Variants in PTPRN2 observed in about 807,000 individuals in gnomAD.
PTPRN2 encodes the protein protein tyrosine phosphatase receptor type N2.
In PTPRN2, 74 loss-of-function variants were observed where a neutral mutation model predicts 118.8. The ratio of observed to expected loss-of-function variants is 0.62; its 90% CI spans 0.52 to 0.76. The LOEUF is 0.76. Ranked by LOEUF, PTPRN2 falls within the 30% of genes least tolerant of loss-of-function variation. PTPRN2 has a pLI of 0.00. For synonymous variants in PTPRN2, 641 were observed against 608.0 expected, an observed-to-expected ratio of 1.05 and a Z score of -0.80; for missense variants, 1,481 against 1,394.4, an observed-to-expected ratio of 1.06 and a Z score of -0.99.
chr7:158,487,147 T>C lies in PTPRN2; in HGVS notation c.163+2588A>G, dbSNP rs530663473. Among the ~76,000 whole-genome samples, 3 of 152,370 alleles carry C rather than the reference T, an allele frequency of 2.0e-5. No homozygotes were observed. In the South Asian group the frequency reaches 6.2e-4, roughly 32 times the overall value. Reference sequence around the variant, plus strand: ...GCTGCGTACTATTCCATCATGTGGATGGACCACGTTTCACTTGTCCATTCG... The same window carrying C: ...GCTGCGTACTATTCCATCATGTGGACGGACCACGTTTCACTTGTCCATTCG... On this transcript the variant is annotated intron_variant, in intron 2 of 22. Coordinates refer to ENST00000389418, the MANE Select transcript of PTPRN2 (RefSeq NM_002847.5).
At chr7:157,568,829 C>T (rs868715729) in intron 21 of PTPRN2, 73 bp downstream of exon 21, 3 of 1,455,704 alleles carry the variant, frequency 2.1e-6, no homozygotes, top group South Asian at 1.1e-5. Flanking sequence ...CCCGTGAACA[C>T]GGCACCCTAC....
At chr7:158,083,758 C>T (rs763596173) in intron 10 of PTPRN2, among the ~76,000 whole-genome samples, 2 of 152,204 alleles carry the variant, frequency 1.3e-5, no homozygotes, top group African/African-American at 2.4e-5. Flanking sequence ...CAGTGACCAT[C>T]GCCGTCAGGC....
chr7:157,996,416 T>G (rs949008939), intron 11 of PTPRN2, among the ~76,000 whole-genome samples: 6 of 152,208 alleles, frequency 3.9e-5, no homozygotes, highest in Non-Finnish European at 8.8e-5. Flanking sequence ...ACCCCAAACA[T>G]TCATACAGTA....
chr7:158,579,626 G>T lies in PTPRN2; in HGVS notation c.112+7932C>A, dbSNP rs563363366. Among the ~76,000 whole-genome samples, 16 of 152,336 alleles carry T rather than the reference G, an allele frequency of 1.1e-4. No homozygotes were observed. The South Asian group carries it at 3.3e-3, about 32-fold the overall frequency. On this transcript the variant is annotated intron_variant, in intron 1 of 22. Coordinates refer to ENST00000389418, the MANE Select transcript of PTPRN2 (RefSeq NM_002847.5). ...TGACCTCTCAATCTGTCAACACGCT[G>T]CATGGAAGCAGTACTGTCATTTAAT... is the stretch of plus-strand genomic sequence containing the variant.
At chr7:158,089,801 T>C (rs1260919750) in intron 10 of PTPRN2, among the ~76,000 whole-genome samples, 1 of 126,630 alleles carries the variant, frequency 7.9e-6, no homozygotes, top group Non-Finnish European at 1.7e-5. Context: ...CTTCTTCCCC[T>C]GACGAAAGAG....
chr7:158,400,000 G>T (rs1011620302), intron 2 of PTPRN2, among the ~76,000 whole-genome samples: 1 of 152,194 alleles, frequency 6.6e-6, no homozygotes, highest in Non-Finnish European at 1.5e-5. Context: ...CAAACTCCCT[G>T]CATGCAAGAG....
At chr7:158,071,560 AGGTGCTCCTGGTGGAGGTGCTCCTGG>A (rs1811689618) in intron 11 of PTPRN2, among the ~76,000 whole-genome samples, 5 of 12,824 alleles carry the variant, frequency 3.9e-4, no homozygotes, top group Admixed American at 2.3e-3. Flanking sequence ...CTGGTGGTGG[AGGTGCTCCTGGTGGAGGTGCTCCTGG>A]TGGAGGTGCT....
intron 7 of PTPRN2, 116 bp downstream of exon 7, chr7:158,138,178 A>G (rs1177208681): frequency 2.3e-6 from 2 of 878,850 alleles, no homozygotes; most frequent in Non-Finnish European, 3.4e-6. Flanking sequence ...ACAGATCCCC[A>G]TCTCCCCAGC....
intron 5 of PTPRN2, among the ~76,000 whole-genome samples, chr7:158,169,681 CATT>C (rs1823363571): frequency 6.6e-6 from 1 of 151,780 alleles, no homozygotes; most frequent in South Asian, 2.1e-4. Context: ...GGAAATCGGA[CATT>C]ATCTCTAAGA....
intron 14 of PTPRN2, among the ~76,000 whole-genome samples, chr7:157,648,971 G>C (rs1339409048): frequency 6.8e-6 from 1 of 146,230 alleles, no homozygotes; most frequent in Non-Finnish European, 1.5e-5. Flanking sequence ...AACTCGGTGG[G>C]TCGGACCCAT....
intron 3 of PTPRN2, among the ~76,000 whole-genome samples, chr7:158,312,615 G>A (rs1801927411): frequency 6.6e-6 from 1 of 150,712 alleles, no homozygotes; most frequent in Non-Finnish European, 1.5e-5. Context: ...ACAAAACTCA[G>A]GAAGACACCA....
rs904134365 is a variant in PTPRN2, at chr7:157,671,357, C to T, written c.2001+11368G>A. On this transcript the variant is annotated intron_variant, in intron 13 of 22. Coordinates refer to ENST00000389418, the MANE Select transcript of PTPRN2 (RefSeq NM_002847.5). This position sits in a 1 kb window ranked among gnomAD's most constrained non-coding sequence, Gnocchi z 4.1. Reference sequence around the variant, plus strand: ...TCACCCTACACTGGAGGGATGGTGACGAGACGTCACCGCAGAGGCGGCAGA... The same window carrying T: ...TCACCCTACACTGGAGGGATGGTGATGAGACGTCACCGCAGAGGCGGCAGA... 5.3e-5 allele frequency among the ~76,000 whole-genome samples: 8 copies of T among 152,110 alleles called. No homozygotes were observed. The highest frequency in any genetic ancestry group is 2.0e-4 in the Admixed American group (3 of 15,288).
chr7:158,038,526 T>C (rs550721973), intron 11 of PTPRN2, among the ~76,000 whole-genome samples: 1 of 151,986 alleles, frequency 6.6e-6, no homozygotes, highest in Admixed American at 6.6e-5. Flanking sequence ...AAAGACACCA[T>C]AAAAAAGATA....
At position 158,570,050 on chromosome 7, in the gene PTPRN2, G is replaced by A. The variant is rs1248029308; in HGVS notation, c.112+17508C>T. On this transcript the variant is annotated intron_variant, in intron 1 of 22. Transcript: ENST00000389418. This position sits in a 1 kb window ranked among gnomAD's most constrained non-coding sequence, Gnocchi z 4.5. ...CCTTTCCTCCCTCGCGTTCCCTCAG[G>A]CGCGTCCTCCACCCGTTTCCCCCAG... Among the ~76,000 whole-genome samples the A allele has an allele frequency of 2.6e-5, 4 of 152,158 alleles. No individual in the cohort carries two copies. Among genetic ancestry groups the A allele is most frequent in the Admixed American group, 2.6e-4 (4 of 15,282 alleles).
chr7:158,329,580 C>A (rs572630313), intron 2 of PTPRN2, among the ~76,000 whole-genome samples: 1 of 152,312 alleles, frequency 6.6e-6, no homozygotes, highest in South Asian at 2.1e-4. Flanking sequence ...CAGACGTCAA[C>A]CCTGCCAGGG....
At position 158,541,366 on chromosome 7, in the gene PTPRN2, G is replaced by C. The variant is rs79294678; in HGVS notation, c.112+46192C>G. On this transcript the variant is annotated intron_variant, in intron 1 of 22. Transcript: ENST00000389418. ...GTCCTGAGCCCTACAAACCTAACTT[G>C]TTGTTTTCTAAAATTAAGGCCAAAA... 9.1e-4 allele frequency: 1,119 copies of C among 1,228,284 alleles called. 16 individuals are homozygous for C. In the East Asian group the frequency reaches 0.028, roughly 31 times the overall value. 76.1% of individuals were successfully genotyped at this position (1,228,284 alleles called of 1,614,324 possible). A position where few individuals can be genotyped will look rare whatever the true frequency, so the allele number is the denominator to read the frequency against.
chr7:157,581,727 G>A (rs571098361), intron 17 of PTPRN2, among the ~76,000 whole-genome samples: 32 of 152,306 alleles, frequency 2.1e-4, no homozygotes, highest in African/African-American at 7.2e-4. Context: ...CAGGTTCAAC[G>A]CTGTCCTCCC....
chr7:158,037,158 CA>C (rs60408400), intron 11 of PTPRN2, among the ~76,000 whole-genome samples: 5,814 of 152,220 alleles, frequency 0.038, 122 homozygotes, highest in Non-Finnish European at 0.044. Flanking sequence ...TAAGCTACTT[CA>C]AAAAATTTTA....
At chr7:158,067,845 C>T (rs1221307786) in intron 11 of PTPRN2, among the ~76,000 whole-genome samples, 3 of 151,558 alleles carry the variant, frequency 2.0e-5, no homozygotes, top group African/African-American at 7.3e-5. Flanking sequence ...TCACGCTGGG[C>T]CATGGGCAGC....
Sources: allele counts gnomAD v4.1 joint callset (sites outside exome capture counted in the v4.1 genomes callset), GRCh38; gene constraint gnomAD v4.1.1; non-coding constraint Gnocchi (gnomAD v3.1); transcripts MANE v1.5; gene names NCBI Gene and HGNC (gene_info 2026-07-23, HGNC 2026-07-21).